The following TRPC5 variants were observed in gnomAD, a reference collection of about 807,000 sequenced individuals.
TRPC5 encodes the protein transient receptor potential cation channel subfamily C member 5.
Under a neutral mutation model 56.5 loss-of-function variants are expected in TRPC5, and 9 were observed. That is an observed-to-expected ratio of 0.16 (90% CI 0.10 to 0.28). The LOEUF (loss-of-function observed/expected upper bound fraction) is 0.28. Among genes scored for constraint, TRPC5 ranks in the 10% least tolerant of loss-of-function variants. The pLI, the probability that TRPC5 is intolerant of heterozygous loss-of-function variation, is 1.00. For synonymous variants in TRPC5, 282 were observed against 278.5 expected (o/e 1.01, Z -0.13); for missense variants, 469 against 748.9 (o/e 0.63, Z 4.36).
At chrX:111,802,585 G>T (rs1921348688) in intron 7 of TRPC5, among the ~76,000 whole-genome samples, 1 of 110,873 alleles carries the variant, frequency 9.0e-6, no homozygotes, top group South Asian at 3.8e-4. Context: ...TTTATTAAGG[G>T]TGAAGCTTAG....
chrX:111,809,606 C>T (rs954718073), intron 7 of TRPC5, among the ~76,000 whole-genome samples: 4 of 111,717 alleles, frequency 3.6e-5, no homozygotes, highest in Admixed American at 9.5e-5. Flanking sequence ...TTCAGCAATA[C>T]GAGGTTAAAA....
intron 2 of TRPC5, among the ~76,000 whole-genome samples, chrX:111,933,652 T>G (rs1223535798): frequency 1.8e-5 from 2 of 111,503 alleles, no homozygotes; most frequent in Non-Finnish European, 3.8e-5. Flanking sequence ...TGTTTATTCC[T>G]TGTGAAGTGT....
At chrX:112,020,385 G>A (rs1188584647) in intron 1 of TRPC5, among the ~76,000 whole-genome samples, 1 of 112,019 alleles carries the variant, frequency 8.9e-6, no homozygotes, top group African/African-American at 3.2e-5. Context: ...CTGGGTCTTT[G>A]AAGGCGAGTA....
At chrX:112,043,645 TAAAAAA>T (rs370812753) in intron 1 of TRPC5, among the ~76,000 whole-genome samples, 1 of 75,746 alleles carries the variant, frequency 1.3e-5, no homozygotes. Context: ...TGAGAAGAGG[TAAAAAA>T]AAAAAAAAAA....
intron 2 of TRPC5, among the ~76,000 whole-genome samples, chrX:111,947,933 G>T (rs1234034281): frequency 8.9e-6 from 1 of 111,835 alleles, no homozygotes; most frequent in Non-Finnish European, 1.9e-5. Context: ...TAGTGTCTTT[G>T]CTTTCTGCTC....
chrX:111,854,135 T>C, intron 3 of TRPC5, 29 bp from the exon 4 acceptor site: 1 of 1,165,233 alleles, frequency 8.6e-7, no homozygotes, highest in African/African-American at 1.8e-5. Context: ...AAGTTAGGCA[T>C]CTGGAATGTC....
At chrX:111,878,009 T>C (rs955318987) in intron 3 of TRPC5, among the ~76,000 whole-genome samples, 2 of 111,368 alleles carry the variant, frequency 1.8e-5, no homozygotes, top group African/African-American at 6.5e-5. Context: ...GAATACAAGA[T>C]ACTGATAGAG....
At chrX:111,912,222 T>G in intron 3 of TRPC5, 69 bp downstream of exon 3, 1 of 1,108,953 alleles carries the variant, frequency 9.0e-7, no homozygotes, top group East Asian at 3.0e-5. Flanking sequence ...AAAATGCTGA[T>G]TCTTGCTCTG....
chrX:111,974,030 G>C (rs1927854382), intron 1 of TRPC5, among the ~76,000 whole-genome samples: 1 of 111,980 alleles, frequency 8.9e-6, no homozygotes, highest in African/African-American at 3.2e-5. Context: ...AAACTTAAAA[G>C]TGTGTCATGG....
intron 7 of TRPC5, among the ~76,000 whole-genome samples, chrX:111,782,736 A>C (rs1427935701): frequency 9.1e-6 from 1 of 110,157 alleles, no homozygotes. Context: ...ACACAGAATA[A>C]AATTCAACCA....
chrX:111,821,628 G>A (rs1922034332), intron 7 of TRPC5, among the ~76,000 whole-genome samples: 1 of 111,871 alleles, frequency 8.9e-6, no homozygotes, highest in South Asian at 3.7e-4. Context: ...TAATAACTCA[G>A]AACTCACATT....
At chrX:112,060,353 A>AAAAC (rs1340372168) in intron 1 of TRPC5, among the ~76,000 whole-genome samples, 1 of 112,346 alleles carries the variant, frequency 8.9e-6, no homozygotes, top group Non-Finnish European at 1.9e-5. Context: ...TTCAGAACTT[A>AAAAC]AAACAAGAGT....
intron 1 of TRPC5, among the ~76,000 whole-genome samples, chrX:112,070,857 A>G (rs898328312): frequency 2.7e-5 from 3 of 110,894 alleles, no homozygotes; most frequent in African/African-American, 9.9e-5. Flanking sequence ...TTTGCCACCT[A>G]TTGAAATTTG....
rs1011854861 is a variant in TRPC5 at position 111,975,304 on chromosome X, A to T, written c.-21-22863T>A. 2.9e-5 allele frequency among the ~76,000 whole-genome samples: 3 copies of T among 102,358 alleles called. No individual in the cohort carries two copies. In the Admixed American group the frequency reaches 3.1e-4, roughly 10 times the overall value. 88.9% of individuals were successfully genotyped at this position (102,358 alleles called of 115,157 possible). On this transcript the variant is annotated intron_variant, in intron 1 of 10. Coordinates refer to ENST00000262839, the MANE Select transcript of TRPC5 (RefSeq NM_012471.3). ...TAAAGAACACAAACTTTTTAAAATT[A>T]GTCCGGGAAATTCACTAAATAGAAA...
intron 2 of TRPC5, among the ~76,000 whole-genome samples, chrX:111,923,690 G>T (rs1436615107): frequency 8.9e-6 from 1 of 111,765 alleles, no homozygotes; most frequent in Non-Finnish European, 1.9e-5. Flanking sequence ...TGGAGAGACA[G>T]CCCTCCCTGA....
chrX:111,849,715 A>C (rs1436166466), intron 5 of TRPC5, among the ~76,000 whole-genome samples: 1 of 112,179 alleles, frequency 8.9e-6, no homozygotes, highest in Non-Finnish European at 1.9e-5. Flanking sequence ...TTTTGCTTAA[A>C]GATGTGGTAC....
intron 7 of TRPC5, among the ~76,000 whole-genome samples, chrX:111,818,259 G>A (rs963469282): frequency 5.4e-5 from 6 of 111,859 alleles, no homozygotes; most frequent in Admixed American, 9.5e-5. Flanking sequence ...CCATCAGTTC[G>A]TAGCTCAAGT....
chrX:111,925,999 G>A (rs1926247168), intron 2 of TRPC5, among the ~76,000 whole-genome samples: 1 of 112,030 alleles, frequency 8.9e-6, no homozygotes, highest in Non-Finnish European at 1.9e-5. Context: ...GACAGTAACA[G>A]CTCTCCCTTC....
At chrX:112,071,757 C>G (rs1158477252) in intron 1 of TRPC5, among the ~76,000 whole-genome samples, 1 of 111,978 alleles carries the variant, frequency 8.9e-6, no homozygotes, top group African/African-American at 3.3e-5. Context: ...CCACTTTTAG[C>G]TTGAGGCCAC....
Sources: allele counts gnomAD v4.1 joint callset (sites outside exome capture counted in the v4.1 genomes callset), GRCh38; gene constraint gnomAD v4.1.1; transcripts MANE v1.5; gene names NCBI Gene and HGNC (gene_info 2026-07-23, HGNC 2026-07-21).